Variants in DNM2 observed in about 807,000 individuals in gnomAD.
The protein encoded by DNM2 is dynamin-2.
DNM2 carries 15 observed loss-of-function variants against 99.0 expected under a neutral mutation model. The observed-to-expected ratio is 0.15, with a 90% confidence interval of 0.10 to 0.23. The LOEUF (loss-of-function observed/expected upper bound fraction) is 0.23, where lower values mean the gene tolerates loss of function less well. Among genes scored for constraint, DNM2 ranks in the 10% least tolerant of loss-of-function variants. The pLI is 1.00. For synonymous variants in DNM2, 525 were observed against 481.2 expected, an observed-to-expected ratio of 1.09 and a Z score of -1.19; for missense variants, 742 against 1,189.4, an observed-to-expected ratio of 0.62 and a Z score of 5.53.
At chr19:10,739,551 G>C (rs531988370) in intron 1 of DNM2, among the ~76,000 whole-genome samples, 1 of 152,132 alleles carries the variant, frequency 6.6e-6, no homozygotes, top group South Asian at 2.1e-4. Context: ...TTAGCATCAT[G>C]TTTTCAAGAT....
chr19:10,770,348 C>T (rs1197018974), intron 2 of DNM2, among the ~76,000 whole-genome samples: 2 of 152,108 alleles, frequency 1.3e-5, no homozygotes, highest in Non-Finnish European at 2.9e-5. Flanking sequence ...CGCATCTTCG[C>T]ATCTCCGGGG....
chr19:10,785,463 C>T (rs1400619726), intron 6 of DNM2, among the ~76,000 whole-genome samples: 1 of 152,136 alleles, frequency 6.6e-6, no homozygotes, highest in Non-Finnish European at 1.5e-5. Context: ...CAAGGTCTTA[C>T]TCTGTTGTCC....
intron 1 of DNM2, among the ~76,000 whole-genome samples, chr19:10,728,871 C>T (rs2069196390): frequency 6.6e-6 from 1 of 151,136 alleles, no homozygotes; most frequent in African/African-American, 2.4e-5. Context: ...CTCCTGAGCC[C>T]AGGAATTCGA....
rs1353683829 is a variant in DNM2 at position 10,829,199 on chromosome 19, C to T, written c.2222C>T (p.Thr741Ile). The change falls in exon 19 of 21, where the codon ACC (threonine) becomes ATC (isoleucine). Residue 741 changes from threonine to isoleucine, a missense_variant. Coordinates refer to ENST00000389253, the MANE Select transcript of DNM2 (RefSeq NM_001005361.3). ...CTCAACATCATCGGTGACATCAGCA[C>T]CAGCACTGTGTCCACGCCTGTACCC... The part of the protein sequence containing the change: ...EALNIIGDIS[T>I]STVSTPVPPP... The T allele has an allele frequency of 6.2e-7, 1 of 1,614,022 alleles. No homozygotes were observed. Among genetic ancestry groups the T allele is most frequent in the Non-Finnish European group, 8.5e-7 (1 of 1,180,040 alleles).
intron 18 of DNM2, among the ~76,000 whole-genome samples, chr19:10,826,967 G>A (rs2073161131): frequency 6.6e-6 from 1 of 151,826 alleles, no homozygotes; most frequent in African/African-American, 2.4e-5. Flanking sequence ...CACACAGGGT[G>A]TGGCTGGGCA....
chr19:10,744,102 G>A (rs2069871504), intron 1 of DNM2, among the ~76,000 whole-genome samples: 1 of 152,022 alleles, frequency 6.6e-6, no homozygotes, highest in Admixed American at 6.6e-5. Flanking sequence ...AGGTTGCAAT[G>A]AGCCAAGATC....
chr19:10,756,191 G>A (rs1413057420), intron 1 of DNM2, among the ~76,000 whole-genome samples: 1 of 152,028 alleles, frequency 6.6e-6, no homozygotes, highest in Non-Finnish European at 1.5e-5. Flanking sequence ...GCATGGGGGC[G>A]CCCGCTCGCT....
chr19:10,829,271 C>G lies in DNM2; in HGVS notation c.2291+3C>G. 6.2e-7 allele frequency: 1 copy of G among 1,612,590 alleles called. No individual in the cohort carries two copies. The highest frequency in any genetic ancestry group is 8.5e-7 in the Non-Finnish European group (1 of 1,179,918). ...CTCCAGAGCGCCAGCAGCCACAGGT[C>G]CGGAAGCCTGGTTCCCCTACCCTCA... is the stretch of plus-strand genomic sequence containing the variant. On this transcript the variant is annotated splice_donor_region_variant and intron_variant, in intron 19 of 20. Transcript: ENST00000389253.
At chr19:10,758,501 C>T (rs1189319658) in intron 1 of DNM2, among the ~76,000 whole-genome samples, 1 of 93,472 alleles carries the variant, frequency 1.1e-5, no homozygotes, top group Non-Finnish European at 2.1e-5. Flanking sequence ...TTCCTTCCTT[C>T]CTCCCTTTCC....
rs2071893478 is a variant in DNM2 at position 10,795,312 on chromosome 19, C to A, written c.1129-60C>A. The A allele has an allele frequency of 6.5e-7, 1 of 1,542,640 alleles. No homozygotes were observed. The highest frequency in any genetic ancestry group is 9.0e-7 in the Non-Finnish European group (1 of 1,115,452). The stretch of plus-strand genomic sequence containing the variant: ...TGGGAGAGAACGTTCCCCAGATGCA[C>A]GCCTGCCACGGGGGCGCCCCGGGTG... On this transcript the variant is annotated intron_variant, in intron 8 of 20. Coordinates refer to ENST00000389253, the MANE Select transcript of DNM2 (RefSeq NM_001005361.3). This position sits in a 1 kb window ranked among gnomAD's most constrained non-coding sequence, Gnocchi z 4.2.
At chr19:10,803,837 C>A (rs1456984631) in intron 12 of DNM2, among the ~76,000 whole-genome samples, 2 of 152,172 alleles carry the variant, frequency 1.3e-5, no homozygotes, top group African/African-American at 2.4e-5. Context: ...CTTGACCGCA[C>A]CAGCTGTAGC....
At chr19:10,773,846 C>A (rs1033078774) in intron 3 of DNM2, among the ~76,000 whole-genome samples, 1 of 151,868 alleles carries the variant, frequency 6.6e-6, no homozygotes, top group Non-Finnish European at 1.5e-5. Flanking sequence ...CTCCTAACCT[C>A]AGGTGATCGC....
chr19:10,765,759 G>C lies in DNM2; in HGVS notation c.235+5948G>C, dbSNP rs941513926. On this transcript the variant is annotated intron_variant, in intron 2 of 20. Transcript: ENST00000389253. The surrounding 1 kb of genome is among the most constrained non-coding windows in gnomAD (Gnocchi z 4.4). ...GCGTGGTAGCTAGGGTCTCCTGATG[G>C]TGGCAGATCCCCAAGTTGTTCCCCC... Among the ~76,000 whole-genome samples the C allele has an allele frequency of 6.6e-6, 1 of 152,182 alleles. No homozygotes were observed. Among genetic ancestry groups the C allele is most frequent in the South Asian group, 2.1e-4 (1 of 4,834 alleles).
rs1716085704 is a variant in DNM2, at chr19:10,830,452, A to T, written c.2543+74A>T. On this transcript the variant is annotated intron_variant, in intron 20 of 20. Transcript: ENST00000389253. This position sits in a 1 kb window ranked among gnomAD's most constrained non-coding sequence, Gnocchi z 4.8. ...CTCTCCTCCTGTCTCACTTCCTCCC[A>T]GTGAGCTCTCACTACGTGCCCAGCT... 1.3e-5 allele frequency: 20 copies of T among 1,520,564 alleles called. No homozygotes were observed. The highest frequency in any genetic ancestry group is 1.8e-5 in the Non-Finnish European group (20 of 1,115,844). 94.2% of individuals were successfully genotyped at this position (1,520,564 alleles called of 1,614,324 possible). A position where few individuals can be genotyped will look rare whatever the true frequency, so the allele number is the denominator to read the frequency against.
At chr19:10,736,571 T>C (rs2145738173) in intron 1 of DNM2, among the ~76,000 whole-genome samples, 1 of 152,306 alleles carries the variant, frequency 6.6e-6, no homozygotes, top group South Asian at 2.1e-4. Context: ...GATCATTGTG[T>C]ATTAGTACGT....
intron 1 of DNM2, among the ~76,000 whole-genome samples, chr19:10,734,569 G>T (rs547336646): frequency 4.8e-5 from 7 of 146,684 alleles, no homozygotes; most frequent in Admixed American, 2.8e-4. Context: ...AGCCCTGGAG[G>T]TTGAGGCTGC....
At chr19:10,745,244 C>T (rs942280067) in intron 1 of DNM2, among the ~76,000 whole-genome samples, 2 of 152,184 alleles carry the variant, frequency 1.3e-5, no homozygotes, top group Non-Finnish European at 2.9e-5. Flanking sequence ...CCCGGACTAG[C>T]TCCCAAGATT....
chr19:10,755,759 G>C (rs1383770492), intron 1 of DNM2, among the ~76,000 whole-genome samples: 2 of 152,002 alleles, frequency 1.3e-5, no homozygotes, highest in South Asian at 2.1e-4. Flanking sequence ...CGCCTCCCGG[G>C]TTCAAGCCAT....
At chr19:10,803,057 C>A (rs1379315247) in intron 12 of DNM2, among the ~76,000 whole-genome samples, 2 of 152,158 alleles carry the variant, frequency 1.3e-5, no homozygotes, top group Non-Finnish European at 2.9e-5. Context: ...AGTGGGCAAA[C>A]CCACACCCAG....
Sources: gnomAD v4.1 joint callset for allele counts (sites outside exome capture counted in the v4.1 genomes callset) on GRCh38, gnomAD v4.1.1 for gene constraint, Gnocchi (gnomAD v3.1) non-coding constraint, MANE v1.5 for transcripts, NCBI Gene and HGNC (gene_info 2026-07-23, HGNC 2026-07-21) for gene names.